The following ATG10 variants were observed in gnomAD, a reference collection of about 807,000 sequenced individuals.
The protein encoded by ATG10 is autophagy related 10.
In ATG10, 30 loss-of-function variants were observed where a neutral mutation model predicts 32.1. The ratio of observed to expected loss-of-function variants is 0.94; its 90% CI spans 0.70 to 1.27. The LOEUF (loss-of-function observed/expected upper bound fraction) is 1.27, where lower values mean the gene tolerates loss of function less well. Among genes scored for constraint, ATG10 ranks in the 50% most tolerant of loss-of-function variants. The pLI is 0.00. For synonymous variants in ATG10, 87 were observed against 91.5 expected (o/e 0.95, Z 0.28); for missense variants, 233 against 262.3 (o/e 0.89, Z 0.77).
chr5:82,033,495 A>T (rs940938609), intron 2 of ATG10, among the ~76,000 whole-genome samples: 1 of 151,756 alleles, frequency 6.6e-6, no homozygotes, highest in Non-Finnish European at 1.5e-5. Flanking sequence ...ACACCACCAC[A>T]CCTGGCTATA....
At chr5:82,147,254 C>T (rs1315904591) in intron 3 of ATG10, 12 of 234,972 alleles carry the variant, frequency 5.1e-5, no homozygotes, top group Admixed American at 1.0e-4. Context: ...CTGCAACCTC[C>T]GCCTTCTGGG....
At chr5:82,014,067 T>A (rs1762207773) in intron 2 of ATG10, among the ~76,000 whole-genome samples, 1 of 152,238 alleles carries the variant, frequency 6.6e-6, no homozygotes, top group African/African-American at 2.4e-5. Flanking sequence ...TCTTTATTTC[T>A]GCCTTCATTT....
chr5:81,993,357 TTCC>T (rs1423154367), intron 2 of ATG10, among the ~76,000 whole-genome samples: 29 of 21,404 alleles, frequency 1.4e-3, no homozygotes, highest in Non-Finnish European at 2.1e-3. Context: ...CTTTCTTTCT[TTCC>T]TTCTTTTCTT....
At chr5:82,148,651 C>T (rs1476052080) in intron 3 of ATG10, among the ~76,000 whole-genome samples, 1 of 152,146 alleles carries the variant, frequency 6.6e-6, no homozygotes, top group East Asian at 1.9e-4. Flanking sequence ...ACTGACACTT[C>T]CTCACCACAA....
intron 4 of ATG10, among the ~76,000 whole-genome samples, chr5:82,170,997 G>T (rs1743786849): frequency 6.6e-6 from 1 of 152,146 alleles, no homozygotes; most frequent in Admixed American, 6.5e-5. Context: ...TTAGGCTGTA[G>T]ATATCCAGCT....
intron 5 of ATG10, among the ~76,000 whole-genome samples, chr5:82,221,334 G>A (rs1745917569): frequency 1.3e-5 from 2 of 152,046 alleles, no homozygotes; most frequent in Non-Finnish European, 1.5e-5. Flanking sequence ...GTTTTGTTTT[G>A]GGAAACATTC....
At chr5:82,137,810 C>T (rs542335724) in intron 3 of ATG10, among the ~76,000 whole-genome samples, 8 of 152,248 alleles carry the variant, frequency 5.3e-5, no homozygotes, top group African/African-American at 7.2e-5. Flanking sequence ...GCTGAAGCTT[C>T]GCCCACTGCC....
chr5:81,989,480 G>A (rs1310931618), intron 2 of ATG10, among the ~76,000 whole-genome samples: 1 of 152,180 alleles, frequency 6.6e-6, no homozygotes, highest in East Asian at 1.9e-4. Flanking sequence ...TCTCTAAATA[G>A]TGATTAGACA....
At chr5:82,174,234 T>A (rs1313273570) in intron 4 of ATG10, among the ~76,000 whole-genome samples, 1 of 152,170 alleles carries the variant, frequency 6.6e-6, no homozygotes, top group Non-Finnish European at 1.5e-5. Flanking sequence ...GGCAAACCAG[T>A]GACGAAGGCT....
intron 2 of ATG10, among the ~76,000 whole-genome samples, chr5:82,033,675 A>G (rs1762806924): frequency 6.6e-6 from 1 of 151,320 alleles, no homozygotes; most frequent in Non-Finnish European, 1.5e-5. Flanking sequence ...TCTCTTCTCC[A>G]ATTAGACTCA....
At chr5:82,216,515 A>C (rs1745685467) in intron 5 of ATG10, among the ~76,000 whole-genome samples, 1 of 152,182 alleles carries the variant, frequency 6.6e-6, no homozygotes, top group African/African-American at 2.4e-5. Flanking sequence ...TATTGTTTTA[A>C]AATACCAGAA....
chr5:82,088,452 G>A (rs1764763512), intron 3 of ATG10, among the ~76,000 whole-genome samples: 1 of 152,102 alleles, frequency 6.6e-6, no homozygotes, highest in Non-Finnish European at 1.5e-5. Context: ...GGTATAAATA[G>A]TAATAAATAA....
At chr5:81,976,644 C>T (rs764178861) in intron 1 of ATG10, among the ~76,000 whole-genome samples, 1 of 152,148 alleles carries the variant, frequency 6.6e-6, no homozygotes, top group Non-Finnish European at 1.5e-5. Context: ...TTGCTTCTGC[C>T]GTTCACTCTT....
At chr5:82,196,613 C>T (rs58621537) in intron 5 of ATG10, among the ~76,000 whole-genome samples, 1,863 of 152,226 alleles carry the variant, frequency 0.012, 33 homozygotes, top group African/African-American at 0.042. Context: ...TAATAAATAT[C>T]CAGTAGTCTC....
intron 2 of ATG10, among the ~76,000 whole-genome samples, chr5:82,054,720 G>A (rs1412438783): frequency 6.6e-6 from 1 of 152,110 alleles, no homozygotes; most frequent in African/African-American, 2.4e-5. Flanking sequence ...TCTCATGCTT[G>A]TCCAGGATGT....
intron 2 of ATG10, among the ~76,000 whole-genome samples, chr5:81,989,090 A>G (rs1761376737): frequency 6.6e-6 from 1 of 152,172 alleles, no homozygotes; most frequent in Non-Finnish European, 1.5e-5. Context: ...CAGCCTCCCA[A>G]AGAGCTGGGA....
chr5:82,102,731 TCTCACA>T (rs1765322305), intron 3 of ATG10, among the ~76,000 whole-genome samples: 2 of 152,154 alleles, frequency 1.3e-5, no homozygotes, highest in African/African-American at 4.8e-5. Context: ...TGACCATCCT[TCTCACA>T]GTGTTTTTAG....
In ATG10 at chr5:81,975,398, A is replaced by G. The variant is rs924561000; in HGVS notation, c.-13+3092A>G. On this transcript the variant is annotated intron_variant, in intron 1 of 7. Coordinates refer to ENST00000282185, the MANE Select transcript of ATG10 (RefSeq NM_031482.5). ...CTTCTTTTTGAAAGTCTCTTAAACC[A>G]AGGCTGGGTACAGTGGTTCATGCCT... Among the ~76,000 whole-genome samples the G allele has an allele frequency of 2.0e-5, 3 of 152,190 alleles. No individual in the cohort carries two copies. In the East Asian group the frequency reaches 5.8e-4, roughly 29 times the overall value.
rs372647838 is a variant in ATG10 at position 82,079,359 on chromosome 5, A to G, written c.216+20757A>G. ...GCAAAGAGAGAGAGAGCACTTGTTC[A>G]GGGAAACTTTTTTTTTTTTTTATAT... is the stretch of plus-strand genomic sequence containing the variant. On this transcript the variant is annotated intron_variant, in intron 3 of 7. Coordinates refer to ENST00000282185, the MANE Select transcript of ATG10 (RefSeq NM_031482.5). Among the ~76,000 whole-genome samples the G allele has an allele frequency of 2.7e-3, 409 of 152,020 alleles. 5 individuals carry two copies. The highest frequency in any genetic ancestry group is 9.3e-3 in the African/African-American group (387 of 41,518).
Sources: gnomAD v4.1 joint callset for allele counts (sites outside exome capture counted in the v4.1 genomes callset) on GRCh38, gnomAD v4.1.1 for gene constraint, MANE v1.5 for transcripts, NCBI Gene and HGNC (gene_info 2026-07-23, HGNC 2026-07-21) for gene names.